MYO16: variants seen among roughly 807,000 people sequenced by gnomAD.
The protein encoded by MYO16 is myosin XVI.
In MYO16, 94 loss-of-function variants were observed where a neutral mutation model predicts 205.3. The observed-to-expected ratio is 0.46, with a 90% CI of 0.39 to 0.54. The LOEUF (loss-of-function observed/expected upper bound fraction) is 0.54. MYO16 is among the 20% of genes least tolerant of loss of function. MYO16 has a pLI of 0.00. For synonymous variants in MYO16, 988 were observed against 954.0 expected (o/e 1.04, Z -0.66); for missense variants, 2,315 against 2,387.5 (o/e 0.97, Z 0.63).
chr13:108,961,681 A>ATCAATGTGG, intron 18 of MYO16, 25 bp downstream of exon 18: 2 of 1,552,482 alleles, frequency 1.3e-6, no homozygotes, highest in Non-Finnish European at 1.8e-6. Flanking sequence ...ACCTTCTGAC[A>ATCAATGTGG]TTAACCACAT....
chr13:108,658,591 CT>C (rs1227554598), intron 1 of MYO16, among the ~76,000 whole-genome samples: 1 of 152,044 alleles, frequency 6.6e-6, no homozygotes, highest in East Asian at 1.9e-4. Context: ...GATGGATCTC[CT>C]TTCATCAATG....
At chr13:108,818,001 G>T (rs1413703263) in intron 7 of MYO16, among the ~76,000 whole-genome samples, 1 of 152,114 alleles carries the variant, frequency 6.6e-6, no homozygotes, top group Non-Finnish European at 1.5e-5. Flanking sequence ...AAAATTTACA[G>T]CCTTTAAGGT....
At chr13:109,044,792 C>T (rs1886987104) in intron 23 of MYO16, among the ~76,000 whole-genome samples, 1 of 152,116 alleles carries the variant, frequency 6.6e-6, no homozygotes, top group African/African-American at 2.4e-5. Flanking sequence ...CAGGTTCAAG[C>T]AATTCTCCTG....
intron 23 of MYO16, among the ~76,000 whole-genome samples, chr13:109,038,147 C>A (rs7328070): frequency 0.38 from 57,344 of 152,004 alleles, 11,677 homozygotes; most frequent in East Asian, 0.83. Context: ...TTCCATTTCC[C>A]TCTTTTCTTC....
intron 16 of MYO16, among the ~76,000 whole-genome samples, chr13:108,920,453 GTC>G (rs1881694594): frequency 1.4e-5 from 2 of 141,166 alleles, no homozygotes; most frequent in East Asian, 4.1e-4. Context: ...TTCTGTCTCT[GTC>G]TCTCTTTCTT....
chr13:108,744,573 A>G (rs1885002862), intron 4 of MYO16, among the ~76,000 whole-genome samples: 1 of 152,256 alleles, frequency 6.6e-6, no homozygotes, highest in African/African-American at 2.4e-5. Flanking sequence ...TTCTCAATCC[A>G]GACAATCTGA....
chr13:108,740,388 G>T (rs994096977), intron 4 of MYO16, among the ~76,000 whole-genome samples: 4 of 152,202 alleles, frequency 2.6e-5, no homozygotes, highest in African/African-American at 9.6e-5. Context: ...GTTGGAGTTT[G>T]CTGGAGGTTC....
chr13:108,577,983 T>C, the MYO16 span, among the ~76,000 whole-genome samples: 1 of 152,236 alleles, frequency 6.6e-6, no homozygotes, highest in South Asian at 2.1e-4. Flanking sequence ...ATCCCTTTAC[T>C]ACGCAAGTAT....
chr13:108,790,333 C>A (rs1040782281), intron 5 of MYO16, among the ~76,000 whole-genome samples: 1 of 152,116 alleles, frequency 6.6e-6, no homozygotes. Context: ...CCCAAGTATC[C>A]ACTGATATTA....
intron 22 of MYO16, among the ~76,000 whole-genome samples, chr13:109,017,117 C>T (rs1885854696): frequency 6.6e-6 from 1 of 152,146 alleles, no homozygotes; most frequent in South Asian, 2.1e-4. Context: ...TCTTCCTTTC[C>T]ATGTTTAGTG....
Position 109,053,194 on chromosome 13 carries a change from A to G in MYO16, c.3048+719A>G, listed in dbSNP as rs542770059. ...TATATTTGGGAAGGTGTTCAGGACA[A>G]TCAATTTTAGAAATGCAATTGTTGC... On this transcript the variant is annotated intron_variant, in intron 25 of 34. Coordinates refer to ENST00000457511, the MANE Select transcript of MYO16 (RefSeq NM_001198950.3). Among the ~76,000 whole-genome samples, 4 of 152,258 alleles carry G rather than the reference A, an allele frequency of 2.6e-5. No individual in the cohort carries two copies. In the East Asian group the frequency reaches 5.8e-4, roughly 22 times the overall value.
intron 21 of MYO16, among the ~76,000 whole-genome samples, chr13:108,993,789 G>A (rs575738642): frequency 6.6e-6 from 1 of 152,164 alleles, no homozygotes; most frequent in African/African-American, 2.4e-5. Flanking sequence ...GGTCTGCAGG[G>A]TGCTTAAGAA....
chr13:109,025,709 A>G (rs1347080935), intron 23 of MYO16, among the ~76,000 whole-genome samples: 3 of 152,216 alleles, frequency 2.0e-5, no homozygotes, highest in African/African-American at 7.2e-5. Flanking sequence ...AGAAAGAATT[A>G]TGGGTTGGAG....
At chr13:108,518,070 A>G in the MYO16 span, among the ~76,000 whole-genome samples, 1 of 152,248 alleles carries the variant, frequency 6.6e-6, no homozygotes, top group African/African-American at 2.4e-5. Context: ...GGACACCAAC[A>G]TTCAGACTGT....
At chr13:108,963,455 A>G (rs1050935437) in intron 19 of MYO16, among the ~76,000 whole-genome samples, 1 of 152,082 alleles carries the variant, frequency 6.6e-6, no homozygotes, top group African/African-American at 2.4e-5. Context: ...TCCCATTCCT[A>G]CTGCCTTCCC....
chr13:108,962,082 A>T (rs538342033), intron 18 of MYO16, among the ~76,000 whole-genome samples: 1 of 152,284 alleles, frequency 6.6e-6, no homozygotes, highest in Non-Finnish European at 1.5e-5. Flanking sequence ...TTTAAAAAAT[A>T]CCTTAAAACC....
chr13:108,933,105 C>T (rs996229646), intron 16 of MYO16, among the ~76,000 whole-genome samples: 2 of 152,058 alleles, frequency 1.3e-5, no homozygotes, highest in African/African-American at 4.8e-5. Flanking sequence ...CTTGGTGGAG[C>T]AGGAAAATCC....
At chr13:109,203,534 G>A (rs1001541705) in intron 34 of MYO16, among the ~76,000 whole-genome samples, 6 of 151,712 alleles carry the variant, frequency 4.0e-5, no homozygotes, top group Admixed American at 3.9e-4. Context: ...TCGCTGGGCT[G>A]TGCTGGAGAA....
intron 16 of MYO16, among the ~76,000 whole-genome samples, chr13:108,937,665 A>G (rs952923921): frequency 6.6e-6 from 1 of 152,130 alleles, no homozygotes; most frequent in African/African-American, 2.4e-5. Context: ...TAAAGCTTTC[A>G]GTTGTATTTT....
Sources: gnomAD v4.1 joint callset for allele counts (sites outside exome capture counted in the v4.1 genomes callset) on GRCh38, gnomAD v4.1.1 for gene constraint, MANE v1.5 for transcripts, NCBI Gene and HGNC (gene_info 2026-07-23, HGNC 2026-07-21) for gene names.